The following EBPL variants were observed in gnomAD, a reference collection of about 807,000 sequenced individuals.
The protein encoded by EBPL is EBP like, also known as emopamil-binding protein-like.
Under a neutral mutation model 19.0 loss-of-function variants are expected in EBPL, and 20 were observed. The ratio of observed to expected loss-of-function variants is 1.05; its 90% CI spans 0.74 to 1.53. EBPL has a LOEUF of 1.53. EBPL is among the 40% of genes most tolerant of loss of function. The pLI, the probability that EBPL is intolerant of heterozygous loss-of-function variation, is 0.00. For synonymous variants in EBPL, 107 were observed against 117.0 expected (o/e 0.91, Z 0.55); for missense variants, 219 against 261.1 (o/e 0.84, Z 1.11).
intron 1 of EBPL, among the ~76,000 whole-genome samples, chr13:49,679,792 C>G (rs1410433703): frequency 6.6e-6 from 1 of 152,128 alleles, no homozygotes; most frequent in East Asian, 1.9e-4. Flanking sequence ...TGTGAGCCAC[C>G]ATGCCTGGCC....
At position 49,669,841 on chromosome 13, in the gene EBPL, G is replaced by A. The variant is rs1232653861; in HGVS notation, c.177C>T (p.Gly59=). ...YDALVHFALE[G]PFVYLSLVGN... is the part of the protein sequence containing the mutation. ...CTACTAAAGACAAGTAGACAAAAGGGCCTTCCTAGAGAGGAGAAAATGAAG... is the reference window on the plus strand; with the variant it reads ...CTACTAAAGACAAGTAGACAAAAGGACCTTCCTAGAGAGGAGAAAATGAAG... The change falls in exon 2 of 4, where the codon GGC becomes GGT. Residue 59 remains glycine (G), a synonymous_variant. Transcript: ENST00000242827. The A allele has an allele frequency of 3.1e-6, 5 of 1,613,372 alleles. No homozygotes were observed. The highest frequency in any genetic ancestry group is 4.2e-6 in the Non-Finnish European group (5 of 1,179,458).
chr13:49,691,202 C>T, intron 1 of EBPL, 52 bp downstream of exon 1: 1 of 1,277,666 alleles, frequency 7.8e-7, no homozygotes. Context: ...CTTGCCGCCC[C>T]CGCTCCCACT....
intron 2 of EBPL, among the ~76,000 whole-genome samples, chr13:49,664,597 T>C (rs989099633): frequency 2.0e-5 from 3 of 152,292 alleles, no homozygotes; most frequent in African/African-American, 7.2e-5. Flanking sequence ...AAGTAATACA[T>C]GCTGGTCCTA....
intron 1 of EBPL, among the ~76,000 whole-genome samples, chr13:49,683,384 C>G (rs1953962805): frequency 6.6e-6 from 1 of 151,906 alleles, no homozygotes; most frequent in Non-Finnish European, 1.5e-5. Flanking sequence ...AAAAAATTAG[C>G]TGGGCATGGG....
chr13:49,680,236 G>C (rs1210502985), intron 1 of EBPL, among the ~76,000 whole-genome samples: 5 of 152,122 alleles, frequency 3.3e-5, no homozygotes, highest in African/African-American at 9.7e-5. Context: ...TGAGGTCTTC[G>C]AGGACTCCTG....
intron 1 of EBPL, among the ~76,000 whole-genome samples, chr13:49,673,814 G>A (rs1953844667): frequency 6.6e-6 from 1 of 152,190 alleles, no homozygotes; most frequent in South Asian, 2.1e-4. Context: ...GTTGCCAGGG[G>A]TTAAGGGATG....
intron 1 of EBPL, among the ~76,000 whole-genome samples, chr13:49,676,347 T>G (rs998253969): frequency 7.9e-5 from 12 of 152,262 alleles, no homozygotes; most frequent in African/African-American, 2.9e-4. Context: ...ATCCCAGCAC[T>G]TTGGGAGGCT....
At chr13:49,684,109 G>A (rs961933006) in intron 1 of EBPL, among the ~76,000 whole-genome samples, 1 of 152,148 alleles carries the variant, frequency 6.6e-6, no homozygotes, top group Admixed American at 6.6e-5. Flanking sequence ...CTGGTGATGG[G>A]CACTGGGATC....
chr13:49,689,190 A>G (rs1448198804), intron 1 of EBPL, among the ~76,000 whole-genome samples: 1 of 152,202 alleles, frequency 6.6e-6, no homozygotes, highest in African/African-American at 2.4e-5. Flanking sequence ...ACAGTGGACT[A>G]CTTTGCAGCT....
At chr13:49,673,540 G>T (rs551602890) in intron 1 of EBPL, among the ~76,000 whole-genome samples, 1 of 152,206 alleles carries the variant, frequency 6.6e-6, no homozygotes, top group South Asian at 2.1e-4. Flanking sequence ...CATGTTAAGG[G>T]ATTCTCTTGC....
rs746947774 is a variant in EBPL, at chr13:49,661,075, A to T, written c.514T>A (p.Phe172Ile). ...WLYCWLYLFF[F>I]NGVWVLIPGL... ...GGGATCAGAACCCACACACCGTTAA[A>T]AAAAAACAGGTAAAGCCAACAGTAC... Residue 172 changes from phenylalanine to isoleucine, a missense_variant, in exon 4 of 4, where the codon TTT (phenylalanine) becomes ATT (isoleucine). By Grantham distance (21) the Phe-to-Ile change is conservative. Around this residue, in one of 2 missense-constraint regions of EBPL, gnomAD observed 49 missense variants for 94.1 expected, o/e 0.52. Coordinates refer to ENST00000242827, the MANE Select transcript of EBPL (RefSeq NM_032565.5). 2.7e-5 allele frequency: 44 copies of T among 1,614,188 alleles called. No homozygotes were observed. The highest frequency in any genetic ancestry group is 3.7e-5 in the Non-Finnish European group (44 of 1,180,028).
intron 1 of EBPL, among the ~76,000 whole-genome samples, chr13:49,672,838 T>A (rs1953832902): frequency 6.6e-6 from 1 of 152,132 alleles, no homozygotes; most frequent in Non-Finnish European, 1.5e-5. Context: ...GGCGGGCGAA[T>A]CACGAGGTCA....
chr13:49,680,870 TGTTAAA>T (rs1482089270), intron 1 of EBPL, among the ~76,000 whole-genome samples: 3 of 151,878 alleles, frequency 2.0e-5, no homozygotes, highest in Non-Finnish European at 4.4e-5. Flanking sequence ...ATGTGATACA[TGTTAAA>T]GTTAAAAAAA....
At chr13:49,668,683 C>T (rs554176191) in intron 2 of EBPL, 14 of 364,320 alleles carry the variant, frequency 3.8e-5, no homozygotes, top group Non-Finnish European at 6.8e-5. Context: ...AAAAAAAATA[C>T]CTGTTGGTAT....
In EBPL at chr13:49,691,309, G is replaced by A. The variant is rs1182149955; in HGVS notation, c.116C>T (p.Ala39Val). The change falls in exon 1 of 4, where the codon GCG becomes GTG. Residue 39 changes from alanine (A) to valine (V), a missense_variant. Physicochemically the swap from Ala to Val is moderately conservative, Grantham distance 64 (BLOSUM62 0). Coordinates refer to ENST00000242827, the MANE Select transcript of EBPL (RefSeq NM_032565.5). The part of the protein sequence containing the change: ...GLRLGRGQGA[A>V]DRGALIWLCY... Reference sequence around the variant, plus strand: ...GAGCCAGATGAGCGCCCCGCGGTCCGCCGCCCCCTGCCCGCGGCCCAGGCG... The same window carrying A: ...GAGCCAGATGAGCGCCCCGCGGTCCACCGCCCCCTGCCCGCGGCCCAGGCG... 1.2e-5 allele frequency: 17 copies of A among 1,364,688 alleles called. No homozygotes were observed. The East Asian group carries it at 3.1e-4, about 25-fold the overall frequency. The allele number at this position is 1,364,688 out of a possible 1,614,324, so 84.5% of individuals were successfully genotyped here.
intron 1 of EBPL, among the ~76,000 whole-genome samples, chr13:49,676,349 T>C (rs1184981687): frequency 6.6e-6 from 1 of 152,170 alleles, no homozygotes; most frequent in Non-Finnish European, 1.5e-5. Context: ...CCCAGCACTT[T>C]GGGAGGCTGA....
intron 1 of EBPL, among the ~76,000 whole-genome samples, chr13:49,680,962 C>A (rs945696756): frequency 6.6e-6 from 1 of 152,160 alleles, no homozygotes; most frequent in Non-Finnish European, 1.5e-5. Context: ...CCAGAGATGA[C>A]CACTGTTAAG....
chr13:49,670,341 A>C (rs552639286), intron 1 of EBPL, among the ~76,000 whole-genome samples: 4 of 152,312 alleles, frequency 2.6e-5, no homozygotes, highest in African/African-American at 9.6e-5. Context: ...AAGATTTAAA[A>C]CAGTTACAGG....
At chr13:49,686,799 C>T (rs1954003539) in intron 1 of EBPL, among the ~76,000 whole-genome samples, 2 of 152,086 alleles carry the variant, frequency 1.3e-5, no homozygotes, top group Admixed American at 6.5e-5. Context: ...TGGCCATTCT[C>T]TCTCTCTTCT....
Sources: allele counts gnomAD v4.1 joint callset (sites outside exome capture counted in the v4.1 genomes callset), GRCh38; gene constraint gnomAD v4.1.1; regional missense constraint gnomAD v4.1.1; transcripts MANE v1.5; gene names NCBI Gene and HGNC (gene_info 2026-07-23, HGNC 2026-07-21).